The following ZBBX variants were observed in gnomAD, a reference collection of about 807,000 sequenced individuals.
ZBBX encodes the protein zinc finger B-box domain containing, also known as zinc finger B-box domain-containing protein 1.
ZBBX carries 101 observed loss-of-function variants against 108.5 expected under a neutral mutation model. That is an observed-to-expected ratio of 0.93 (90% CI 0.79 to 1.10). The LOEUF (loss-of-function observed/expected upper bound fraction) is 1.10, where lower values mean the gene tolerates loss of function less well. Ranked by LOEUF, ZBBX falls within the 50% of genes least tolerant of loss-of-function variation. ZBBX has a pLI of 0.00. For missense variants in ZBBX, 1,009 were observed against 941.4 expected, an observed-to-expected ratio of 1.07 and a Z score of -0.94; for synonymous variants, 356 against 323.4, an observed-to-expected ratio of 1.10 and a Z score of -1.08.
chr3:167,375,387 T>A (rs1419020043), intron 2 of ZBBX, among the ~76,000 whole-genome samples: 1 of 151,838 alleles, frequency 6.6e-6, no homozygotes, highest in Non-Finnish European at 1.5e-5. Context: ...AGGTCAGGAG[T>A]TCGAGACCAG....
At chr3:167,346,476 G>A (rs115020235) in intron 9 of ZBBX, among the ~76,000 whole-genome samples, 2 of 151,934 alleles carry the variant, frequency 1.3e-5, no homozygotes, top group Non-Finnish European at 2.9e-5. Context: ...TGGGCTGTTG[G>A]ATAAAGGCTG....
the ZBBX span, among the ~76,000 whole-genome samples, chr3:167,211,968 C>T: frequency 6.6e-6 from 1 of 152,126 alleles, no homozygotes; most frequent in African/African-American, 2.4e-5. Context: ...AGCACAGCTG[C>T]ACTATAAAAA....
At chr3:167,179,680 C>T in the ZBBX span, among the ~76,000 whole-genome samples, 3 of 152,078 alleles carry the variant, frequency 2.0e-5, no homozygotes, top group Admixed American at 6.6e-5. Flanking sequence ...CTACAAGCTC[C>T]GCTTTTTGAG....
intron 1 of ZBBX, among the ~76,000 whole-genome samples, chr3:167,391,284 C>T (rs1748078371): frequency 6.6e-6 from 1 of 151,720 alleles, no homozygotes; most frequent in African/African-American, 2.4e-5. Context: ...TGATGGATCA[C>T]ATTTATTGAT....
chr3:167,250,514 A>G (rs1394243423), intron 20 of ZBBX, among the ~76,000 whole-genome samples: 4 of 144,430 alleles, frequency 2.8e-5, no homozygotes. Flanking sequence ...TCACCCATGC[A>G]TACTTAACCT....
chr3:167,216,487 T>A, the ZBBX span, among the ~76,000 whole-genome samples: 2 of 151,932 alleles, frequency 1.3e-5, no homozygotes, highest in African/African-American at 2.4e-5. Flanking sequence ...CACACACAAA[T>A]GGAAAAACAA....
At chr3:167,244,139 C>T (rs139437203) in intron 20 of ZBBX, among the ~76,000 whole-genome samples, 2 of 152,270 alleles carry the variant, frequency 1.3e-5, no homozygotes, top group African/African-American at 4.8e-5. Flanking sequence ...TAATAACTTG[C>T]TGAAAGTCAC....
At position 167,395,915 on chromosome 3, in the gene ZBBX, T is replaced by C. The variant is rs538069426; in HGVS notation, c.-446+11811A>G. ...TCTGCATGACATATATGGAACCTTC[T>C]CCCTCTAGCTTCCTGGAGTCTACTT... On this transcript the variant is annotated intron_variant, in intron 1 of 21. Transcript: ENST00000455345. Among the ~76,000 whole-genome samples the C allele has an allele frequency of 4.9e-4, 74 of 152,104 alleles. No homozygotes were observed. In the South Asian group the frequency reaches 0.015, roughly 30 times the overall value.
intron 9 of ZBBX, among the ~76,000 whole-genome samples, chr3:167,341,231 G>A (rs1740485293): frequency 6.6e-6 from 1 of 151,664 alleles, no homozygotes; most frequent in South Asian, 2.1e-4. Flanking sequence ...CAAAGACCTG[G>A]ACACATGCTC....
At chr3:167,202,277 A>G in the ZBBX span, among the ~76,000 whole-genome samples, 1 of 152,186 alleles carries the variant, frequency 6.6e-6, no homozygotes, top group Non-Finnish European at 1.5e-5. Flanking sequence ...ATAATGTACA[A>G]GGGCAGAGTA....
chr3:167,317,434 G>A lies in ZBBX; in HGVS notation c.1093+54C>T, dbSNP rs1248510077. The A allele has an allele frequency of 2.3e-6, 3 of 1,326,386 alleles. No individual in the cohort carries two copies. The African/African-American group carries it at 4.4e-5, about 20-fold the overall frequency. The allele number at this position is 1,326,386 out of a possible 1,614,324, so 82.2% of individuals were successfully genotyped here. A position where few individuals can be genotyped will look rare whatever the true frequency, so the allele number is the denominator to read the frequency against. The stretch of plus-strand genomic sequence containing the variant: ...AAGCAGATTCTGATTAATGCTTAGT[G>A]TATATAACTTGAGACAATACATTTT... On this transcript the variant is annotated intron_variant, in intron 13 of 21. Transcript: ENST00000675490.
At chr3:167,261,504 G>A (rs1363100324) in intron 20 of ZBBX, among the ~76,000 whole-genome samples, 2 of 151,992 alleles carry the variant, frequency 1.3e-5, no homozygotes, top group East Asian at 3.9e-4. Context: ...AGGTCTTGCT[G>A]CAGCTGCTGT....
At chr3:167,308,592 A>C (rs1734063965) in intron 16 of ZBBX, among the ~76,000 whole-genome samples, 1 of 152,224 alleles carries the variant, frequency 6.6e-6, no homozygotes. Context: ...GATAAAGAAA[A>C]TGTGGTACAT....
chr3:167,308,157 C>G (rs1284699170), intron 16 of ZBBX, among the ~76,000 whole-genome samples: 1 of 152,090 alleles, frequency 6.6e-6, no homozygotes, highest in African/African-American at 2.4e-5. Flanking sequence ...AAGACATGAG[C>G]AGACACTTTC....
chr3:167,227,477 C>T, the ZBBX span, among the ~76,000 whole-genome samples: 1 of 151,800 alleles, frequency 6.6e-6, no homozygotes, highest in African/African-American at 2.4e-5. Flanking sequence ...TTCTGGGTCT[C>T]TCTTATCCTT....
At chr3:167,369,631 T>C (rs1577109857) in intron 4 of ZBBX, among the ~76,000 whole-genome samples, 1 of 152,180 alleles carries the variant, frequency 6.6e-6, no homozygotes, top group African/African-American at 2.4e-5. Context: ...TGAAATACAA[T>C]GGAGCTTCCA....
rs1560192958 is a variant in ZBBX at position 167,368,464 on chromosome 3, C to CT, written c.178dup (p.Arg60LysfsTer27). 3 of 1,607,736 alleles carry CT rather than the reference C, an allele frequency of 1.9e-6. No individual in the cohort carries two copies. The highest frequency in any genetic ancestry group is 2.6e-6 in the Non-Finnish European group (3 of 1,174,962). Reference sequence around the variant, plus strand: ...ATTCTCTAAGAGTTTCACTCACTCTCTATCTTCCTTTTCTTTGTTTCTTGT... The same window carrying CT: ...ATTCTCTAAGAGTTTCACTCACTCTCTTATCTTCCTTTTCTTTGTTTCTTGT... On this transcript the variant is annotated frameshift_variant, in exon 5 of 22. Transcript: ENST00000675490. LOFTEE classifies it high-confidence loss of function.
the ZBBX span, among the ~76,000 whole-genome samples, chr3:167,218,195 C>A: frequency 1.3e-5 from 2 of 152,088 alleles, no homozygotes; most frequent in Non-Finnish European, 2.9e-5. Context: ...ATATGTACAA[C>A]AAACCCCCAT....
chr3:167,312,546 T>C lies in ZBBX; in HGVS notation c.1417+1428A>G, dbSNP rs545885056. 9.2e-5 allele frequency among the ~76,000 whole-genome samples: 14 copies of C among 152,296 alleles called. No homozygotes were observed. The East Asian group carries it at 2.7e-3, about 29-fold the overall frequency. ...ATGTATGTGTATAGAGCAAAGGGTATATAGGAACTCTCTGTACTTTCTGCT... is the reference window on the plus strand; with the variant it reads ...ATGTATGTGTATAGAGCAAAGGGTACATAGGAACTCTCTGTACTTTCTGCT... On this transcript the variant is annotated intron_variant, in intron 16 of 21. Transcript: ENST00000675490.
Sources: gnomAD v4.1 joint callset for allele counts (sites outside exome capture counted in the v4.1 genomes callset) on GRCh38, gnomAD v4.1.1 for gene constraint, MANE v1.5 for transcripts, NCBI Gene and HGNC (gene_info 2026-07-23, HGNC 2026-07-21) for gene names.